CDKAL1: variants seen among roughly 807,000 people sequenced by gnomAD.
The protein encoded by CDKAL1 is threonylcarbamoyladenosine tRNA methylthiotransferase.
Under a neutral mutation model 68.2 loss-of-function variants are expected in CDKAL1, and 32 were observed. The observed-to-expected ratio is 0.47, with a 90% CI of 0.35 to 0.63. The LOEUF is 0.63. Among genes scored for constraint, CDKAL1 ranks in the 30% least tolerant of loss-of-function variants. The probability of loss-of-function intolerance (pLI) is 0.00; values close to 1 mark genes in which losing one functional copy is unlikely to be tolerated. For synonymous variants in CDKAL1, 234 were observed against 244.3 expected (o/e 0.96, Z 0.39); for missense variants, 606 against 696.7 (o/e 0.87, Z 1.47).
At chr6:20,733,087 C>T (rs1004232683) in intron 5 of CDKAL1, among the ~76,000 whole-genome samples, 2 of 152,144 alleles carry the variant, frequency 1.3e-5, no homozygotes, top group Non-Finnish European at 2.9e-5. Context: ...TGACCTTCTC[C>T]CTCAGGGACC....
At chr6:20,896,162 G>A (rs9368253) in intron 9 of CDKAL1, among the ~76,000 whole-genome samples, 41,179 of 143,412 alleles carry the variant, frequency 0.29, 6,947 homozygotes, top group East Asian at 0.38. Context: ...GTGCAGTGGC[G>A]CGATCTTGGC....
chr6:20,611,412 A>C (rs1288542237), intron 4 of CDKAL1, among the ~76,000 whole-genome samples: 1 of 152,108 alleles, frequency 6.6e-6, no homozygotes, highest in Non-Finnish European at 1.5e-5. Context: ...ATTACAGATG[A>C]TTTTAAAGTG....
intron 10 of CDKAL1, among the ~76,000 whole-genome samples, chr6:20,970,474 C>A (rs1048225899): frequency 6.6e-6 from 1 of 152,156 alleles, no homozygotes; most frequent in African/African-American, 2.4e-5. Flanking sequence ...TCAGTCTTTA[C>A]TCCACCATTC....
At chr6:21,182,397 G>A (rs1485323915) in intron 13 of CDKAL1, among the ~76,000 whole-genome samples, 1 of 152,162 alleles carries the variant, frequency 6.6e-6, no homozygotes, top group Non-Finnish European at 1.5e-5. Flanking sequence ...AGGTGCTAGG[G>A]ATAAAGTTAC....
At chr6:20,609,258 T>TTCC (rs1766474192) in intron 4 of CDKAL1, among the ~76,000 whole-genome samples, 1 of 98,266 alleles carries the variant, frequency 1.0e-5, no homozygotes. Flanking sequence ...TTCTTCCTCC[T>TTCC]TCCTTCCTCC....
intron 9 of CDKAL1, among the ~76,000 whole-genome samples, chr6:20,930,853 T>C (rs953256973): frequency 3.3e-5 from 5 of 152,050 alleles, no homozygotes; most frequent in African/African-American, 9.7e-5. Flanking sequence ...CAAGCAATTC[T>C]GCTGCCTCAG....
At chr6:20,893,581 C>A (rs1761523527) in intron 9 of CDKAL1, among the ~76,000 whole-genome samples, 1 of 152,112 alleles carries the variant, frequency 6.6e-6, no homozygotes, top group African/African-American at 2.4e-5. Context: ...TATATTGTTT[C>A]TAAGGCTTTC....
At chr6:20,646,616 C>G (rs115624897) in intron 4 of CDKAL1, among the ~76,000 whole-genome samples, 19 of 152,132 alleles carry the variant, frequency 1.2e-4, no homozygotes, top group African/African-American at 3.6e-4. Flanking sequence ...CATTGTCATA[C>G]TTCTTGAGGG....
chr6:20,686,690 G>A (rs1275224136), intron 5 of CDKAL1, among the ~76,000 whole-genome samples: 3 of 152,126 alleles, frequency 2.0e-5, no homozygotes, highest in African/African-American at 4.8e-5. Context: ...GTGCCAAAAC[G>A]GTTGGGGGCC....
At chr6:20,673,583 A>G (rs1453855338) in intron 5 of CDKAL1, among the ~76,000 whole-genome samples, 1 of 152,094 alleles carries the variant, frequency 6.6e-6, no homozygotes, top group African/African-American at 2.4e-5. Flanking sequence ...TCCCCACCCA[A>G]ATCTGATCTT....
chr6:20,682,572 C>CT (rs1449046095), intron 5 of CDKAL1, among the ~76,000 whole-genome samples: 8 of 100,828 alleles, frequency 7.9e-5, no homozygotes, highest in Non-Finnish European at 1.7e-4. Context: ...CGTGATAACT[C>CT]TATCAGGAGA....
chr6:20,755,920 C>G (rs1028645656), intron 6 of CDKAL1, among the ~76,000 whole-genome samples: 1 of 152,134 alleles, frequency 6.6e-6, no homozygotes, highest in Non-Finnish European at 1.5e-5. Context: ...TGCTTTCTAA[C>G]TCTTAGCAGA....
intron 7 of CDKAL1, among the ~76,000 whole-genome samples, chr6:20,779,623 C>T (rs969237909): frequency 6.6e-6 from 1 of 152,210 alleles, no homozygotes; most frequent in African/African-American, 2.4e-5. Flanking sequence ...CTCGCTGTGT[C>T]ACCCAGGTTG....
At chr6:21,150,488 C>T (rs1023781626) in intron 13 of CDKAL1, among the ~76,000 whole-genome samples, 1 of 152,168 alleles carries the variant, frequency 6.6e-6, no homozygotes, top group African/African-American at 2.4e-5. Flanking sequence ...GTGACCAAAT[C>T]TTCACCCTTA....
chr6:20,991,841 C>T (rs1037085938), intron 10 of CDKAL1, among the ~76,000 whole-genome samples: 16 of 148,916 alleles, frequency 1.1e-4, no homozygotes, highest in African/African-American at 4.0e-4. Context: ...CATAGCGAGA[C>T]CCTGTCTCTT....
chr6:21,003,668 A>G (rs188898538), intron 11 of CDKAL1, among the ~76,000 whole-genome samples: 8 of 152,252 alleles, frequency 5.3e-5, no homozygotes, highest in Admixed American at 1.3e-4. Flanking sequence ...TTTATGCCAA[A>G]TAGATTAGTG....
chr6:20,872,241 C>T (rs1181584067), intron 9 of CDKAL1, among the ~76,000 whole-genome samples: 1 of 152,128 alleles, frequency 6.6e-6, no homozygotes, highest in Non-Finnish European at 1.5e-5. Context: ...CATTATTACT[C>T]TGAATAAGCC....
intron 12 of CDKAL1, among the ~76,000 whole-genome samples, chr6:21,067,970 T>C (rs979956905): frequency 6.6e-6 from 1 of 152,198 alleles, no homozygotes; most frequent in Admixed American, 6.5e-5. Flanking sequence ...TTGAGTGTCT[T>C]TTATATGTTT....
At chr6:20,977,886 A>T (rs964168568) in intron 10 of CDKAL1, among the ~76,000 whole-genome samples, 2 of 152,100 alleles carry the variant, frequency 1.3e-5, no homozygotes, top group Admixed American at 1.3e-4. Context: ...TCAAAATATT[A>T]ATGATAATAA....
Sources: gnomAD v4.1 joint callset for allele counts (sites outside exome capture counted in the v4.1 genomes callset) on GRCh38, gnomAD v4.1.1 for gene constraint, MANE v1.5 for transcripts, NCBI Gene and HGNC (gene_info 2026-07-23, HGNC 2026-07-21) for gene names.